The following ZNF536 variants were observed in gnomAD, a reference collection of about 807,000 sequenced individuals.
The protein encoded by ZNF536 is zinc finger protein 536.
Under a neutral mutation model 84.5 loss-of-function variants are expected in ZNF536, and 13 were observed. The observed-to-expected ratio is 0.15, with a 90% confidence interval of 0.10 to 0.24. The LOEUF is 0.24. ZNF536 is among the 10% of genes least tolerant of loss of function. The pLI, the probability that ZNF536 is intolerant of heterozygous loss-of-function variation, is 1.00. For missense variants in ZNF536, 1,536 were observed against 1,747.5 expected (o/e 0.88, Z 2.16); for synonymous variants, 811 against 742.5 (o/e 1.09, Z -1.50).
intron 2 of ZNF536, among the ~76,000 whole-genome samples, chr19:30,465,763 A>ATTTTT (rs1209745140): frequency 6.6e-6 from 1 of 151,776 alleles, no homozygotes; most frequent in Non-Finnish European, 1.5e-5. Context: ...ATTTTATTTT[A>ATTTTT]TTTTTGAGAT....
intron 1 of ZNF536, among the ~76,000 whole-genome samples, chr19:30,631,282 C>T (rs1032882346): frequency 1.4e-4 from 22 of 152,212 alleles, no homozygotes; most frequent in Non-Finnish European, 1.3e-4. Flanking sequence ...GCTTTTGTTA[C>T]GCAGCCAGGC....
chr19:30,607,118 C>G (rs1246262532), intron 1 of ZNF536, among the ~76,000 whole-genome samples: 5 of 152,188 alleles, frequency 3.3e-5, no homozygotes, highest in African/African-American at 1.2e-4. Context: ...AAATGATCCC[C>G]TCACCTCCCT....
At chr19:30,325,676 T>A (rs191568510) in intron 2 of ZNF536, among the ~76,000 whole-genome samples, 42 of 152,316 alleles carry the variant, frequency 2.8e-4, no homozygotes, top group African/African-American at 8.2e-4. Context: ...ACCTTAGATA[T>A]GCCAAGTCTG....
intron 1 of ZNF536, among the ~76,000 whole-genome samples, chr19:30,567,624 G>A (rs1384785981): frequency 6.6e-6 from 1 of 152,198 alleles, no homozygotes; most frequent in African/African-American, 2.4e-5. Flanking sequence ...CAGGTCTGAG[G>A]GAGCATAGAG....
intron 1 of ZNF536, among the ~76,000 whole-genome samples, chr19:30,576,058 C>T (rs1309293768): frequency 6.6e-6 from 1 of 152,220 alleles, no homozygotes; most frequent in Non-Finnish European, 1.5e-5. Context: ...CATTGGAATT[C>T]TTAATGATGT....
At position 30,342,198 on chromosome 19, in the gene ZNF536, G is replaced by A. The variant is rs374709352; in HGVS notation, c.-119-10170G>A. On this transcript the variant is annotated intron_variant, in intron 2 of 5. Coordinates refer to the ZNF536 transcript ENST00000585628. ...TAGATGTATAAGTCATAGTTAGATA[G>A]CCAGAAAAATGTTTAGTTGCATAAA... Among the ~76,000 whole-genome samples the A allele has an allele frequency of 6.6e-4, 100 of 152,330 alleles. 1 individual carries two copies. In the Middle Eastern group the frequency reaches 0.02, roughly 31 times the overall value.
chr19:30,491,449 G>A (rs1398720947), intron 2 of ZNF536, among the ~76,000 whole-genome samples: 5 of 152,086 alleles, frequency 3.3e-5, no homozygotes, highest in African/African-American at 7.3e-5. Flanking sequence ...TTATCAGGTC[G>A]ATACATGTAC....
At chr19:30,547,910 G>C (rs747331524) in intron 3 of ZNF536, 33 bp from the exon 4 acceptor site, 2 of 1,510,940 alleles carry the variant, frequency 1.3e-6, no homozygotes, top group Middle Eastern at 1.9e-4. Context: ...TGAGATAAAC[G>C]CCTCTTTTTT....
At chr19:30,689,881 T>C (rs2147896236) in intron 1 of ZNF536, among the ~76,000 whole-genome samples, 1 of 152,338 alleles carries the variant, frequency 6.6e-6, no homozygotes, top group Admixed American at 6.5e-5. Flanking sequence ...GAATTAGATT[T>C]TGTTGCTAGA....
intron 1 of ZNF536, among the ~76,000 whole-genome samples, chr19:30,596,247 A>G (rs1393290914): frequency 4.6e-5 from 7 of 152,116 alleles, no homozygotes; most frequent in Non-Finnish European, 1.0e-4. Flanking sequence ...AAAAAAAAAT[A>G]CAGAGAGAGA....
chr19:30,517,729 C>T (rs188790725), intron 2 of ZNF536, among the ~76,000 whole-genome samples: 1 of 152,236 alleles, frequency 6.6e-6, no homozygotes, highest in African/African-American at 2.4e-5. Flanking sequence ...CTGCAGTGAG[C>T]CATGATCACA....
In ZNF536 at chr19:30,652,940, G is replaced by A. The variant is rs144718296; in HGVS notation, c.170-57817G>A. Reference sequence around the variant, plus strand: ...GCAGTGGAAGCTGTAACACCAAGGCGGGGAACCCAGTGACAGTGCTGCATC... The same window carrying A: ...GCAGTGGAAGCTGTAACACCAAGGCAGGGAACCCAGTGACAGTGCTGCATC... On this transcript the variant is annotated intron_variant, in intron 1 of 1. Transcript: ENST00000592773. Among the ~76,000 whole-genome samples, 3 of 152,232 alleles carry A rather than the reference G, an allele frequency of 2.0e-5. No individual in the cohort carries two copies. In the East Asian group the frequency reaches 5.8e-4, roughly 29 times the overall value.
chr19:30,644,202 C>A (rs1345660154), intron 1 of ZNF536, among the ~76,000 whole-genome samples: 1 of 152,180 alleles, frequency 6.6e-6, no homozygotes, highest in Non-Finnish European at 1.5e-5. Flanking sequence ...GCATTTTGAT[C>A]TGCTATGCTT....
intron 1 of ZNF536, among the ~76,000 whole-genome samples, chr19:30,282,853 T>G (rs2045499270): frequency 6.6e-6 from 1 of 152,212 alleles, no homozygotes; most frequent in South Asian, 2.1e-4. Flanking sequence ...AGATGTAATT[T>G]CTTTCCGTGT....
chr19:30,343,128 C>G (rs745789387), intron 2 of ZNF536, among the ~76,000 whole-genome samples: 3 of 152,182 alleles, frequency 2.0e-5, no homozygotes, highest in Admixed American at 2.0e-4. Flanking sequence ...TCTATGGTAG[C>G]ATCCTCCAAG....
chr19:30,687,078 T>C (rs770294893), intron 1 of ZNF536, among the ~76,000 whole-genome samples: 64 of 152,086 alleles, frequency 4.2e-4, no homozygotes, highest in Admixed American at 1.2e-3. Flanking sequence ...TGTGATACTG[T>C]GGGCAAGACA....
At chr19:30,493,539 A>G (rs553928402) in intron 2 of ZNF536, among the ~76,000 whole-genome samples, 123 of 152,336 alleles carry the variant, frequency 8.1e-4, no homozygotes, top group South Asian at 2.3e-3. Context: ...GAAAGAAGAA[A>G]AACAAATCCA....
intron 3 of ZNF536, among the ~76,000 whole-genome samples, chr19:30,545,982 C>T (rs920145677): frequency 5.3e-5 from 8 of 152,338 alleles, no homozygotes; most frequent in Middle Eastern, 3.4e-3. Flanking sequence ...CTGGCCCTCC[C>T]GCAGGGCTTG....
intron 1 of ZNF536, among the ~76,000 whole-genome samples, chr19:30,687,754 A>G (rs751654699): frequency 1.3e-5 from 2 of 152,222 alleles, no homozygotes; most frequent in Non-Finnish European, 2.9e-5. Context: ...GAGCACTTTC[A>G]GGCCTCCTGC....
Sources: gnomAD v4.1 joint callset for allele counts (sites outside exome capture counted in the v4.1 genomes callset) on GRCh38, gnomAD v4.1.1 for gene constraint, MANE v1.5 for transcripts, NCBI Gene and HGNC (gene_info 2026-07-23, HGNC 2026-07-21) for gene names.